Variants in RORA observed in about 807,000 individuals in gnomAD.
RORA encodes RAR related orphan receptor A, also known as nuclear receptor ROR-alpha.
Under a neutral mutation model 69.5 loss-of-function variants are expected in RORA, and 7 were observed. The ratio of observed to expected loss-of-function variants is 0.10; its 90% CI spans 0.06 to 0.19. The LOEUF is 0.19. Among genes scored for constraint, RORA ranks in the 10% least tolerant of loss-of-function variants. The pLI, the probability that RORA is intolerant of heterozygous loss-of-function variation, is 1.00. For synonymous variants in RORA, 261 were observed against 240.8 expected (o/e 1.08, Z -0.78); for missense variants, 457 against 663.0 (o/e 0.69, Z 3.41).
At chr15:60,579,463 T>TA (rs10715464) in intron 2 of RORA, among the ~76,000 whole-genome samples, 6 of 151,306 alleles carry the variant, frequency 4.0e-5, no homozygotes, top group South Asian at 2.1e-4. Flanking sequence ...CCTTCCTGCT[T>TA]AAAAAAAAAA....
chr15:61,082,264 G>A (rs921188316), intron 1 of RORA, among the ~76,000 whole-genome samples: 2 of 152,184 alleles, frequency 1.3e-5, no homozygotes, highest in East Asian at 1.9e-4. Flanking sequence ...CGCGGCGGGC[G>A]AATCACCTGA....
intron 1 of RORA, among the ~76,000 whole-genome samples, chr15:61,179,272 G>A (rs912299151): frequency 1.1e-4 from 17 of 152,268 alleles, no homozygotes; most frequent in Middle Eastern, 3.4e-3. Context: ...ATAATACTTT[G>A]ACAAATAGTA....
chr15:60,989,800 TG>T (rs1463704662), intron 1 of RORA, among the ~76,000 whole-genome samples: 2 of 151,956 alleles, frequency 1.3e-5, no homozygotes, highest in African/African-American at 4.8e-5. Flanking sequence ...TAACTATTTT[TG>T]TCAGAAATTA....
Position 61,162,888 on chromosome 15 carries a change from G to A in RORA, c.166+66165C>T, listed in dbSNP as rs1172066188. Among the ~76,000 whole-genome samples, 3 of 152,148 alleles carry A rather than the reference G, an allele frequency of 2.0e-5. No homozygotes were observed. In the East Asian group the frequency reaches 5.8e-4, roughly 29 times the overall value. ...AAGGCCACTATTACTGGGGAATTTG[G>A]CAGAACACAGAATTGTTGTATGCTA... On this transcript the variant is annotated intron_variant, in intron 1 of 10. Transcript: ENST00000335670.
chr15:60,624,949 A>C (rs1458682865), intron 2 of RORA, among the ~76,000 whole-genome samples: 1 of 152,190 alleles, frequency 6.6e-6, no homozygotes, highest in Non-Finnish European at 1.5e-5. Flanking sequence ...TGGCATATTG[A>C]GAGCAGCAAT....
chr15:60,962,404 T>A (rs1271952229), intron 1 of RORA, among the ~76,000 whole-genome samples: 1 of 152,210 alleles, frequency 6.6e-6, no homozygotes, highest in Non-Finnish European at 1.5e-5. Flanking sequence ...CAGAACCAAG[T>A]ACTAAGAAGG....
At chr15:61,045,059 C>A (rs537995275) in intron 1 of RORA, among the ~76,000 whole-genome samples, 2 of 152,296 alleles carry the variant, frequency 1.3e-5, no homozygotes, top group Non-Finnish European at 2.9e-5. Flanking sequence ...GATTAATCAC[C>A]TTTCATTTTA....
At chr15:61,058,675 G>T (rs916564968) in intron 1 of RORA, among the ~76,000 whole-genome samples, 6 of 152,194 alleles carry the variant, frequency 3.9e-5, no homozygotes, top group African/African-American at 1.4e-4. Flanking sequence ...TGTTCACAGA[G>T]CCAGGGGATT....
intron 1 of RORA, among the ~76,000 whole-genome samples, chr15:60,940,743 T>A (rs1183141948): frequency 6.6e-6 from 1 of 152,148 alleles, no homozygotes; most frequent in African/African-American, 2.4e-5. Context: ...CTGGCCAACA[T>A]GGTGAAACCC....
chr15:60,939,497 A>T (rs981602442), intron 1 of RORA, among the ~76,000 whole-genome samples: 2 of 152,148 alleles, frequency 1.3e-5, no homozygotes, highest in East Asian at 3.8e-4. Flanking sequence ...GTGATAATCA[A>T]TCCAGTTGCC....
intron 2 of RORA, chr15:60,558,364 G>T (rs1262999451): frequency 1.8e-6 from 2 of 1,109,640 alleles, no homozygotes; most frequent in Non-Finnish European, 2.7e-6. Flanking sequence ...TAATTAGTTG[G>T]CCACTGCCTT....
chr15:61,199,884 G>A (rs1440502942), intron 1 of RORA, among the ~76,000 whole-genome samples: 1 of 152,200 alleles, frequency 6.6e-6, no homozygotes, highest in Admixed American at 6.5e-5. Flanking sequence ...AGAACGAGCT[G>A]TGCCGTGCTG....
chr15:61,188,254 T>C (rs535928456), intron 1 of RORA, among the ~76,000 whole-genome samples: 3 of 152,270 alleles, frequency 2.0e-5, no homozygotes, highest in African/African-American at 7.2e-5. Context: ...CCAAAAGGTC[T>C]CTGTGGCAAC....
intron 1 of RORA, among the ~76,000 whole-genome samples, chr15:60,894,619 C>G (rs1398343228): frequency 1.3e-5 from 2 of 152,182 alleles, no homozygotes; most frequent in East Asian, 3.9e-4. Context: ...TAGTGTGCAT[C>G]AGAATCACCT....
At chr15:60,701,892 G>GT (rs1372943213) in intron 1 of RORA, among the ~76,000 whole-genome samples, 1 of 152,164 alleles carries the variant, frequency 6.6e-6, no homozygotes, top group African/African-American at 2.4e-5. Flanking sequence ...CTGGAATACT[G>GT]TAAGACAACA....
At chr15:60,550,425 T>C (rs192304329) in intron 2 of RORA, among the ~76,000 whole-genome samples, 81 of 152,330 alleles carry the variant, frequency 5.3e-4, no homozygotes, top group Middle Eastern at 3.4e-3. Flanking sequence ...TTTAAAGCCA[T>C]AGAATTTATA....
chr15:61,120,193 T>C (rs1012360827), intron 1 of RORA, among the ~76,000 whole-genome samples: 5 of 152,074 alleles, frequency 3.3e-5, no homozygotes, highest in Non-Finnish European at 1.5e-5. Flanking sequence ...ACAGATGTAT[T>C]TCTATGTAAA....
intron 1 of RORA, among the ~76,000 whole-genome samples, chr15:60,684,771 T>G (rs145653060): frequency 6.6e-6 from 1 of 152,354 alleles, no homozygotes; most frequent in Non-Finnish European, 1.5e-5. Context: ...AACTCATGTC[T>G]CTACACCAGG....
At chr15:60,616,207 A>G (rs2069238965) in intron 2 of RORA, among the ~76,000 whole-genome samples, 1 of 152,222 alleles carries the variant, frequency 6.6e-6, no homozygotes, top group African/African-American at 2.4e-5. Flanking sequence ...AAGGTAAATT[A>G]GGGAACATGT....
Sources: allele counts gnomAD v4.1 joint callset (sites outside exome capture counted in the v4.1 genomes callset), GRCh38; gene constraint gnomAD v4.1.1; transcripts MANE v1.5; gene names NCBI Gene and HGNC (gene_info 2026-07-23, HGNC 2026-07-21).